The following DZANK1 variants were observed in gnomAD, a reference collection of about 807,000 sequenced individuals.
DZANK1 encodes double zinc ribbon and ankyrin repeat domains 1.
A neutral mutation model predicts 94.5 loss-of-function variants in DZANK1; 91 were observed. The observed-to-expected ratio is 0.96, with a 90% CI of 0.81 to 1.15. DZANK1 has a LOEUF of 1.15. DZANK1 is among the 50% of genes most tolerant of loss of function. The pLI is 0.00. For synonymous variants in DZANK1, 312 were observed against 325.3 expected, an observed-to-expected ratio of 0.96 and a Z score of 0.44; for missense variants, 903 against 916.4, an observed-to-expected ratio of 0.99 and a Z score of 0.19.
chr20:18,442,789 T>G (rs545635097), intron 8 of DZANK1, among the ~76,000 whole-genome samples: 1 of 152,276 alleles, frequency 6.6e-6, no homozygotes, highest in Non-Finnish European at 1.5e-5. Context: ...TATCAAGTGC[T>G]TAAAAGATGA....
At chr20:18,386,350 G>A (rs1000659335) in intron 19 of DZANK1, among the ~76,000 whole-genome samples, 1 of 152,174 alleles carries the variant, frequency 6.6e-6, no homozygotes, top group African/African-American at 2.4e-5. Flanking sequence ...ATTCTCAAAT[G>A]TGAATGGACA....
exon 21 of DZANK1, chr20:18,384,268 A>C (rs1251357548): frequency 3.4e-6 from 3 of 891,732 alleles, no homozygotes; most frequent in Non-Finnish European, 4.9e-6. Flanking sequence ...CATGTTGGTC[A>C]GGCTGGTCTT....
At chr20:18,429,787 T>A (rs1015348757) in intron 9 of DZANK1, among the ~76,000 whole-genome samples, 3 of 152,266 alleles carry the variant, frequency 2.0e-5, no homozygotes, top group African/African-American at 7.2e-5. Context: ...TGGAGACTTT[T>A]GACACCATGC....
At position 18,441,824 on chromosome 20, in the gene DZANK1, G is replaced by A. The variant is rs541635426; in HGVS notation, c.747+1523C>T. On this transcript the variant is annotated intron_variant, in intron 8 of 20. Coordinates refer to ENST00000262547, the Ensembl canonical transcript of DZANK1. The surrounding 1 kb of genome is among the most constrained non-coding windows in gnomAD (Gnocchi z 4.1). Reference sequence around the variant, plus strand: ...GGAACTTGCTGGAAAGTTGCTACTGGGATGCCCCAAAGACTATCTGGGAAG... The same window carrying A: ...GGAACTTGCTGGAAAGTTGCTACTGAGATGCCCCAAAGACTATCTGGGAAG... Among the ~76,000 whole-genome samples, 14 of 152,316 alleles carry A rather than the reference G, an allele frequency of 9.2e-5. No homozygotes were observed. Among genetic ancestry groups the A allele is most frequent in the Admixed American group, 8.5e-4 (13 of 15,304 alleles).
At chr20:18,396,665 C>A in intron 14 of DZANK1, 119 bp from the exon 15 acceptor site, 2 of 646,852 alleles carry the variant, frequency 3.1e-6, no homozygotes, top group Non-Finnish European at 5.2e-6. Context: ...TTAATTAACA[C>A]AGAAGAAAGT....
chr20:18,460,724 G>A (rs1170096837), intron 2 of DZANK1, among the ~76,000 whole-genome samples: 4 of 149,538 alleles, frequency 2.7e-5, no homozygotes, highest in African/African-American at 9.9e-5. Flanking sequence ...GCGAGACTCC[G>A]TCTCAAAAAA....
At chr20:18,457,977 G>A (rs1278341614) in intron 3 of DZANK1, among the ~76,000 whole-genome samples, 1 of 152,190 alleles carries the variant, frequency 6.6e-6, no homozygotes, top group Non-Finnish European at 1.5e-5. Context: ...CGCATTGAAA[G>A]CTCACCTTTC....
chr20:18,409,047 T>C (rs771765572), intron 13 of DZANK1, among the ~76,000 whole-genome samples: 2 of 152,216 alleles, frequency 1.3e-5, no homozygotes, highest in Non-Finnish European at 2.9e-5. Flanking sequence ...AGTTTCCATT[T>C]TGCAAGTTTG....
chr20:18,425,449 G>C lies in DZANK1; in HGVS notation c.954+1618C>G, dbSNP rs2057996433. 2.0e-5 allele frequency among the ~76,000 whole-genome samples: 3 copies of C among 152,042 alleles called. No individual in the cohort carries two copies. The South Asian group carries it at 6.2e-4, about 32-fold the overall frequency. ...GCCTGTAATCCCAGCTACTCAGGAG[G>C]CTGAGGCAGGAGAATCGCTTGAACC... On this transcript the variant is annotated intron_variant, in intron 10 of 20. Coordinates refer to ENST00000262547, the Ensembl canonical transcript of DZANK1.
intron 13 of DZANK1, among the ~76,000 whole-genome samples, chr20:18,408,128 C>T (rs1332353754): frequency 1.3e-5 from 2 of 152,082 alleles, no homozygotes; most frequent in East Asian, 1.9e-4. Context: ...CCAGCCTGGC[C>T]AACAGGGTGA....
At chr20:18,464,971 G>A (rs973462500) in intron 2 of DZANK1, among the ~76,000 whole-genome samples, 1 of 152,046 alleles carries the variant, frequency 6.6e-6, no homozygotes, top group Non-Finnish European at 1.5e-5. Context: ...CACCGCACCC[G>A]GCCAGCACCG....
chr20:18,447,586 C>A (rs547916468), intron 7 of DZANK1, among the ~76,000 whole-genome samples: 419 of 152,108 alleles, frequency 2.8e-3, no homozygotes, highest in South Asian at 0.022. Flanking sequence ...CCTCAGCCTC[C>A]CAAAGTGCTG....
At chr20:18,415,961 C>A (rs965867034) in intron 10 of DZANK1, among the ~76,000 whole-genome samples, 35 of 152,178 alleles carry the variant, frequency 2.3e-4, no homozygotes, top group African/African-American at 7.7e-4. Flanking sequence ...GTTAGGTAAA[C>A]CTATATTTGA....
rs573704399 is a variant in DZANK1 at position 18,384,959 on chromosome 20, C to G, written c.2093+57G>C. On this transcript the variant is annotated intron_variant, in intron 20 of 20. Transcript: ENST00000262547. The stretch of plus-strand genomic sequence containing the variant: ...AGGCCCCTCTTAAAATCATCACAGG[C>G]CATTAGGGAGATCCCTGTGGCCCTC... The G allele has an allele frequency of 2.4e-4, 350 of 1,487,978 alleles. 2 individuals are homozygous for G. The highest frequency in any genetic ancestry group is 1.8e-3 in the South Asian group (145 of 82,568). The allele number at this position is 1,487,978 out of a possible 1,614,324, so 92.2% of individuals were successfully genotyped here.
At chr20:18,444,911 C>T (rs2058825467) in intron 7 of DZANK1, among the ~76,000 whole-genome samples, 1 of 152,122 alleles carries the variant, frequency 6.6e-6, no homozygotes. Flanking sequence ...TGCCATTCTC[C>T]TGCCTCAGCC....
chr20:18,456,057 T>C (rs1190569959), intron 3 of DZANK1, among the ~76,000 whole-genome samples: 1 of 152,210 alleles, frequency 6.6e-6, no homozygotes, highest in Non-Finnish European at 1.5e-5. Context: ...CTGGGAGGCA[T>C]AGTTCATTGG....
intron 9 of DZANK1, among the ~76,000 whole-genome samples, chr20:18,430,847 T>A (rs1241183018): frequency 6.6e-6 from 1 of 151,954 alleles, no homozygotes; most frequent in Non-Finnish European, 1.5e-5. Flanking sequence ...AAAAAAGAAA[T>A]GACCAATAGA....
chr20:18,388,447 C>T (rs1400348822), intron 19 of DZANK1, among the ~76,000 whole-genome samples: 1 of 152,222 alleles, frequency 6.6e-6, no homozygotes, highest in African/African-American at 2.4e-5. Context: ...TAGCTGGACT[C>T]TTCATAAAGC....
intron 15 of DZANK1, chr20:18,394,714 T>G (rs2056235290): frequency 2.0e-6 from 1 of 493,272 alleles, no homozygotes; most frequent in Non-Finnish European, 4.0e-6. Flanking sequence ...TTTCTCTGCT[T>G]AAAGTCCTTC....
Sources: allele counts gnomAD v4.1 joint callset (sites outside exome capture counted in the v4.1 genomes callset), GRCh38; gene constraint gnomAD v4.1.1; non-coding constraint Gnocchi (gnomAD v3.1); transcripts MANE v1.5; gene names NCBI Gene and HGNC (gene_info 2026-07-23, HGNC 2026-07-21).